Variants in PRKN observed in about 807,000 individuals in gnomAD.
PRKN encodes the protein E3 ubiquitin-protein ligase parkin.
In PRKN, 56 loss-of-function variants were observed where a neutral mutation model predicts 59.5. That is an observed-to-expected ratio of 0.94 (90% CI 0.76 to 1.18). The LOEUF is 1.18. Among genes scored for constraint, PRKN ranks in the 50% most tolerant of loss-of-function variants. The pLI is 0.00. For synonymous variants in PRKN, 250 were observed against 222.1 expected (o/e 1.13, Z -1.12); for missense variants, 657 against 596.4 (o/e 1.10, Z -1.06).
chr6:162,706,322 C>A (rs1301945961), intron 1 of PRKN, among the ~76,000 whole-genome samples: 1 of 152,130 alleles, frequency 6.6e-6, no homozygotes, highest in African/African-American at 2.4e-5. Flanking sequence ...CAGCTTCAGT[C>A]ACAAAGCTCA....
chr6:162,597,469 TAAAGA>T lies in PRKN; in HGVS notation c.7+130188_7+130192del, dbSNP rs1275340778. On this transcript the variant is annotated intron_variant, in intron 1 of 11. Transcript: ENST00000366898. ...TCTTTGAAATGGTTAATTATGCACA[TAAAGA>T]ATAGTTTTGATTCACAGATTTGACT... Among the ~76,000 whole-genome samples, 34 of 152,352 alleles carry T rather than the reference TAAAGA, an allele frequency of 2.2e-4. 1 individual carries two copies. In the South Asian group the frequency reaches 6.6e-3, roughly 30 times the overall value.
chr6:161,908,744 TATTA>T (rs1454167744), intron 6 of PRKN, among the ~76,000 whole-genome samples: 2 of 152,220 alleles, frequency 1.3e-5, no homozygotes, highest in African/African-American at 4.8e-5. Flanking sequence ...ACCCTTAATC[TATTA>T]ATTATTTAAA....
chr6:162,425,368 C>A (rs1351960031), intron 2 of PRKN, among the ~76,000 whole-genome samples: 6 of 152,148 alleles, frequency 3.9e-5, no homozygotes, highest in Admixed American at 6.5e-5. Context: ...AAAATATAAT[C>A]TTCCAAGGGA....
In PRKN at chr6:161,874,927, AAATAT is replaced by A. The variant is rs1338836219; in HGVS notation, c.735-89024_735-89020del. 4.9e-3 allele frequency among the ~76,000 whole-genome samples: 450 copies of A among 92,034 alleles called. 30 individuals are homozygous for A. The highest frequency in any genetic ancestry group is 0.019 in the African/African-American group (364 of 19,066). The allele number at this position is 92,034 out of a possible 152,430, so 60.4% of individuals were successfully genotyped here. A position where few individuals can be genotyped will look rare whatever the true frequency, so the allele number is the denominator to read the frequency against. On this transcript the variant is annotated intron_variant, in intron 6 of 11. Transcript: ENST00000366898. ...TATATATTATAAAATATAAAATATA[AAATAT>A]AATATAATATATTATAGGTACTTTA...
At chr6:162,013,213 C>T (rs1172007432) in intron 5 of PRKN, among the ~76,000 whole-genome samples, 8 of 152,028 alleles carry the variant, frequency 5.3e-5, no homozygotes, top group Non-Finnish European at 1.5e-5. Flanking sequence ...CCATGGATTC[C>T]TATTTTTTAC....
chr6:162,069,035 C>T (rs2156267), intron 4 of PRKN, among the ~76,000 whole-genome samples: 57,336 of 151,938 alleles, frequency 0.38, 11,676 homozygotes, highest in Admixed American at 0.48. Context: ...TCCTTGGAGT[C>T]CTCCTTTTAA....
chr6:162,391,529 G>C (rs369971212), intron 2 of PRKN, among the ~76,000 whole-genome samples: 1 of 150,394 alleles, frequency 6.6e-6, no homozygotes, highest in Non-Finnish European at 1.5e-5. Context: ...CGTGGATTTC[G>C]AAAATCTGCA....
intron 9 of PRKN, among the ~76,000 whole-genome samples, chr6:161,438,215 A>ATT (rs34955373): frequency 0.053 from 5,985 of 112,396 alleles, 632 homozygotes; most frequent in African/African-American, 0.15. Flanking sequence ...AATTCTGTTA[A>ATT]TTTTTTTTTT....
At chr6:162,399,050 C>A (rs10455904) in intron 2 of PRKN, among the ~76,000 whole-genome samples, 2 of 151,954 alleles carry the variant, frequency 1.3e-5, no homozygotes, top group African/African-American at 4.8e-5. Context: ...AATAAAAATT[C>A]TCCTAGGGAA....
At chr6:162,389,465 A>C (rs1474096142) in intron 2 of PRKN, among the ~76,000 whole-genome samples, 1 of 152,172 alleles carries the variant, frequency 6.6e-6, no homozygotes, top group East Asian at 1.9e-4. Flanking sequence ...AGAAATAAAA[A>C]ACCTTTGCAT....
At position 162,288,623 on chromosome 6, in the gene PRKN, C is replaced by T. The variant is rs370759078; in HGVS notation, c.172-25858G>A. On this transcript the variant is annotated intron_variant, in intron 2 of 11. Coordinates refer to ENST00000366898, the MANE Select transcript of PRKN (RefSeq NM_004562.3). ...ACAGCTGCAAGAAAGTGAACTTCTC[C>T]GAAAAGGACACGGAGCCCTCACCGA... 7.3e-4 allele frequency among the ~76,000 whole-genome samples: 111 copies of T among 152,142 alleles called. 1 individual carries two copies. Among genetic ancestry groups the T allele is most frequent in the African/African-American group, 2.0e-3 (85 of 41,498 alleles).
chr6:162,083,947 C>T (rs1779158959), intron 4 of PRKN, among the ~76,000 whole-genome samples: 1 of 151,740 alleles, frequency 6.6e-6, no homozygotes, highest in African/African-American at 2.4e-5. Flanking sequence ...GGAATGGTTA[C>T]TAGAATTAAT....
intron 1 of PRKN, among the ~76,000 whole-genome samples, chr6:162,650,063 C>CG (rs1778359603): frequency 6.6e-6 from 1 of 152,186 alleles, no homozygotes; most frequent in Admixed American, 6.5e-5. Context: ...CCATTTATCA[C>CG]TGTTAAGATT....
intron 5 of PRKN, among the ~76,000 whole-genome samples, chr6:162,035,719 G>A (rs970800222): frequency 1.3e-5 from 2 of 152,066 alleles, no homozygotes; most frequent in African/African-American, 4.8e-5. Flanking sequence ...AATGAGCAGA[G>A]GAATGGAATA....
Position 161,579,451 on chromosome 6 carries a change from A to T in PRKN, c.872-10035T>A, listed in dbSNP as rs930564711. Among the ~76,000 whole-genome samples the T allele has an allele frequency of 2.0e-5, 3 of 152,214 alleles. No individual in the cohort carries two copies. The highest frequency in any genetic ancestry group is 7.2e-5 in the African/African-American group (3 of 41,466). On this transcript the variant is annotated intron_variant, in intron 7 of 11. Coordinates refer to ENST00000366898, the MANE Select transcript of PRKN (RefSeq NM_004562.3). This position sits in a 1 kb window ranked among gnomAD's most constrained non-coding sequence, Gnocchi z 4.2. ...AAACAATGTATAGACATGAACATTT[A>T]TGGAACACTCCCCTGTTTATAAACT...
Position 162,467,957 on chromosome 6 carries a change from C to T in PRKN, c.8-24484G>A, listed in dbSNP as rs191406003. Reference sequence around the variant, plus strand: ...TCTTTCCATGACTCATTCACAGCCTCTAGAGAGTATCTCAAATGCCAGCTG... The same window carrying T: ...TCTTTCCATGACTCATTCACAGCCTTTAGAGAGTATCTCAAATGCCAGCTG... On this transcript the variant is annotated intron_variant, in intron 1 of 11. Transcript: ENST00000366898. Among the ~76,000 whole-genome samples the T allele has an allele frequency of 3.9e-4, 59 of 152,316 alleles. 1 individual carries two copies. Among genetic ancestry groups the T allele is most frequent in the African/African-American group, 1.3e-3 (53 of 41,566 alleles).
Position 161,460,777 on chromosome 6 carries a change from G to A in PRKN, c.1084-73900C>T, listed in dbSNP as rs1790176038. Among the ~76,000 whole-genome samples, 1 of 149,844 alleles carries A rather than the reference G, an allele frequency of 6.7e-6. No homozygotes were observed. The highest frequency in any genetic ancestry group is 6.6e-5 in the Admixed American group (1 of 15,056). ...TTTTTTTTTTTTTTCTTCAGATGGAGTCTCGTTCTGTCGCCAGGCTGGAGT... is the reference window on the plus strand; with the variant it reads ...TTTTTTTTTTTTTTCTTCAGATGGAATCTCGTTCTGTCGCCAGGCTGGAGT... On this transcript the variant is annotated intron_variant, in intron 9 of 11. Transcript: ENST00000366898. This position sits in a 1 kb window ranked among gnomAD's most constrained non-coding sequence, Gnocchi z 5.0.
intron 4 of PRKN, among the ~76,000 whole-genome samples, chr6:162,092,448 T>C (rs1448113428): frequency 6.6e-6 from 1 of 152,366 alleles, no homozygotes; most frequent in East Asian, 1.9e-4. Context: ...TCGGTGATTA[T>C]TATAAAAAAT....
At chr6:161,795,404 TC>T in intron 6 of PRKN, among the ~76,000 whole-genome samples, 1 of 151,818 alleles carries the variant, frequency 6.6e-6, no homozygotes, top group South Asian at 2.1e-4. Context: ...GGCTAATCTT[TC>T]CTATTTTTGG....
Sources: allele counts gnomAD v4.1 joint callset (sites outside exome capture counted in the v4.1 genomes callset), GRCh38; gene constraint gnomAD v4.1.1; non-coding constraint Gnocchi (gnomAD v3.1); transcripts MANE v1.5; gene names NCBI Gene and HGNC (gene_info 2026-07-23, HGNC 2026-07-21).